Variants in ATXN7L2 observed in about 807,000 individuals in gnomAD.
The protein encoded by ATXN7L2 is ataxin-7-like protein 2.
ATXN7L2 carries 17 observed loss-of-function variants against 59.6 expected under a neutral mutation model. The ratio of observed to expected loss-of-function variants is 0.29; its 90% CI spans 0.20 to 0.43. ATXN7L2 has a LOEUF of 0.43. ATXN7L2 is among the 20% of genes least tolerant of loss of function. The pLI, the probability that ATXN7L2 is intolerant of heterozygous loss-of-function variation, is 1.00. For synonymous variants in ATXN7L2, 378 were observed against 392.5 expected (o/e 0.96, Z 0.44); for missense variants, 858 against 1,008.9 (o/e 0.85, Z 2.03).
At position 109,490,384 on chromosome 1, in the gene ATXN7L2, C is replaced by T; in HGVS notation, c.1446C>T (p.His482=). The T allele has an allele frequency of 6.2e-7, 1 of 1,612,976 alleles. No homozygotes were observed. Among genetic ancestry groups the T allele is most frequent in the Non-Finnish European group, 8.5e-7 (1 of 1,179,944 alleles). The change falls in exon 9 of 11, where the codon CAC becomes CAT. Residue 482 remains histidine, a synonymous_variant. Transcript: ENST00000683729. ...TGCTGGAACGGCACCTCAGCACACA[C>T]ATGTGGAAGTAAGTCTCTCGGACCC... is the stretch of plus-strand genomic sequence containing the variant. The part of the protein sequence containing the change: ...SSMLERHLST[H]MWKKIPPAAE...
rs1412340990 is a variant in ATXN7L2 at position 109,488,225 on chromosome 1, A to T, written c.797-158A>T. ...TCTCACACCCAGCAAGGAGATGTTG[A>T]TGCCCAGAAGTTTATCTGGAAGGTA... is the stretch of plus-strand genomic sequence containing the variant. On this transcript the variant is annotated intron_variant, in intron 5 of 10. Transcript: ENST00000683729. This position sits in a 1 kb window ranked among gnomAD's most constrained non-coding sequence, Gnocchi z 5.0. 6.6e-6 allele frequency among the ~76,000 whole-genome samples: 1 copy of T among 152,188 alleles called. No individual in the cohort carries two copies. The highest frequency in any genetic ancestry group is 1.9e-4 in the East Asian group (1 of 5,192).
rs981881981 is a variant in ATXN7L2, at chr1:109,483,915, C to T, written c.-39C>T. ...ACGGGGCGAGGGGGAGGGGGCCGCG[C>T]GGCGGCGGCGCCAGGGCGGGCGCGC... On this transcript the variant is annotated 5_prime_UTR_variant, in exon 1 of 11. Transcript: ENST00000683729. 83 of 1,160,914 alleles carry T rather than the reference C, an allele frequency of 7.1e-5. No individual in the cohort carries two copies. The highest frequency in any genetic ancestry group is 8.8e-5 in the Non-Finnish European group (83 of 942,250). 71.9% of individuals were successfully genotyped at this position (1,160,914 alleles called of 1,614,324 possible). A position where few individuals can be genotyped will look rare whatever the true frequency, so the allele number is the denominator to read the frequency against.
chr1:109,490,164 G>T, intron 8 of ATXN7L2, 36 bp downstream of exon 8: 1 of 1,567,528 alleles, frequency 6.4e-7, no homozygotes. Context: ...GGAGGGGGTG[G>T]CCCAGCACTC....
Position 109,490,301 on chromosome 1 carries a change from C to T in ATXN7L2, c.1363C>T (p.Pro455Ser). ...FCTFGSRLVS[P>S]GCYVFSRRLD... ...CACCTTTGGGAGCCGGCTGGTGAGC[C>T]CAGGATGCTATGTGTTTAGCCGCCG... is the stretch of plus-strand genomic sequence containing the variant. Residue 455 changes from proline (P) to serine (S), a missense_variant, in exon 9 of 11, where the codon CCA (proline) becomes TCA (serine). Pro to Ser is a moderately conservative substitution (Grantham distance 74, BLOSUM62 -1). Coordinates refer to ENST00000683729, the MANE Select transcript of ATXN7L2 (RefSeq NM_001350175.2). 1 of 1,613,956 alleles carries T rather than the reference C, an allele frequency of 6.2e-7. No individual in the cohort carries two copies. Among genetic ancestry groups the T allele is most frequent in the East Asian group, 2.2e-5 (1 of 44,882 alleles).
chr1:109,487,396 C>T (rs1656670120), intron 4 of ATXN7L2, 122 bp from the exon 5 acceptor site: 2 of 1,223,386 alleles, frequency 1.6e-6, no homozygotes, highest in Non-Finnish European at 2.2e-6. Flanking sequence ...CCGTGTTTCA[C>T]ACCCCTGCTG....
At chr1:109,484,382 A>C (rs2101018484) in intron 1 of ATXN7L2, among the ~76,000 whole-genome samples, 1 of 149,590 alleles carries the variant, frequency 6.7e-6, no homozygotes, top group Non-Finnish European at 1.5e-5. Context: ...TCAGCTCGCG[A>C]CCCTCCTGCA....
In ATXN7L2 at chr1:109,487,150, G is replaced by A; in HGVS notation, c.442G>A (p.Glu148Lys). ...APGSTKTSSR[E>K]KGQGSRSRGH... Reference sequence around the variant, plus strand: ...AGGTTCCACGAAAACCTCCTCCAGGGAGAAGGGCCAGGGGTCCCGGAGCCG... The same window carrying A: ...AGGTTCCACGAAAACCTCCTCCAGGAAGAAGGGCCAGGGGTCCCGGAGCCG... Residue 148 changes from glutamate to lysine, a missense_variant, in exon 4 of 11, where the codon GAG (glutamate) becomes AAG (lysine). Transcript: ENST00000683729. The A allele has an allele frequency of 1.2e-6, 2 of 1,607,344 alleles. No homozygotes were observed. The highest frequency in any genetic ancestry group is 8.5e-7 in the Non-Finnish European group (1 of 1,176,878).
Position 109,488,592 on chromosome 1 carries a change from A to G in ATXN7L2, c.879+127A>G. The G allele has an allele frequency of 1.8e-6, 2 of 1,142,466 alleles. No individual in the cohort carries two copies. Among genetic ancestry groups the G allele is most frequent in the Non-Finnish European group, 2.5e-6 (2 of 799,222 alleles). The allele number at this position is 1,142,466 out of a possible 1,614,324, so 70.8% of individuals were successfully genotyped here. A position where few individuals can be genotyped will look rare whatever the true frequency, so the allele number is the denominator to read the frequency against. On this transcript the variant is annotated intron_variant, in intron 6 of 10. Transcript: ENST00000683729. The surrounding 1 kb of genome is among the most constrained non-coding windows in gnomAD (Gnocchi z 5.0). ...TAAGGGAGGGCAGTTAGGCCCACCC[A>G]AGGGAAGGGGAGATGGGTATGCCCC... is the stretch of plus-strand genomic sequence containing the variant.
intron 1 of ATXN7L2, chr1:109,485,633 T>C (rs919283972): frequency 3.0e-6 from 3 of 986,852 alleles, no homozygotes; most frequent in African/African-American, 1.7e-5. Flanking sequence ...CAGGGACTTA[T>C]AGAAACATTG....
In ATXN7L2 at chr1:109,488,379, A is replaced by G. The variant is rs768370571; in HGVS notation, c.797-4A>G. On this transcript the variant is annotated splice_polypyrimidine_tract_variant and splice_region_variant and intron_variant, in intron 5 of 10. Transcript: ENST00000683729. This position sits in a 1 kb window ranked among gnomAD's most constrained non-coding sequence, Gnocchi z 5.0. ...GAGGTTCATTGGAAGTGCTTTCCCC[A>G]CAGGGAAGGAGTGCGACCTCAACAG... is the stretch of plus-strand genomic sequence containing the variant. The G allele has an allele frequency of 5.0e-6, 8 of 1,595,802 alleles. No homozygotes were observed. Among genetic ancestry groups the G allele is most frequent in the Non-Finnish European group, 6.8e-6 (8 of 1,168,684 alleles).
At position 109,489,039 on chromosome 1, in the gene ATXN7L2, G is replaced by A. The variant is rs1179511705; in HGVS notation, c.1072G>A (p.Ala358Thr). Residue 358 changes from alanine (A) to threonine (T), a missense_variant, in exon 7 of 11, where the codon GCT becomes ACT. Ala to Thr is a moderately conservative substitution (Grantham distance 58). Coordinates refer to ENST00000683729, the MANE Select transcript of ATXN7L2 (RefSeq NM_001350175.2). The part of the protein sequence containing the change: ...SSVQVVAAVA[A>T]PSSTFSVRAK... The stretch of plus-strand genomic sequence containing the variant: ...AGTCCAGGTTGTAGCAGCGGTGGCT[G>A]CTCCCAGCAGCACCTTCTCTGTTCG... 6.2e-7 allele frequency: 1 copy of A among 1,614,150 alleles called. No homozygotes were observed. Among genetic ancestry groups the A allele is most frequent in the Middle Eastern group, 1.6e-4 (1 of 6,062 alleles).
intron 1 of ATXN7L2, 61 bp downstream of exon 1, chr1:109,484,141 GC>G: frequency 2.3e-6 from 3 of 1,307,594 alleles, no homozygotes; most frequent in Admixed American, 3.3e-5. Flanking sequence ...CCCCTTCCGG[GC>G]CCCCGCCAGC....
chr1:109,487,066 C>A lies in ATXN7L2; in HGVS notation c.358C>A (p.Pro120Thr), dbSNP rs945089830. 2 of 1,613,230 alleles carry A rather than the reference C, an allele frequency of 1.2e-6. No homozygotes were observed. The highest frequency in any genetic ancestry group is 2.7e-5 in the African/African-American group (2 of 75,004). The part of the protein sequence containing the change: ...YGRAPPPPPA[P>T]ASSQKCHVVN... ...CCGGGCCCCACCCCCACCTCCAGCC[C>A]CTGCCAGCTCTCAGAAATGCCATGT... The change falls in exon 4 of 11, where the codon CCT becomes ACT. Residue 120 changes from proline to threonine, a missense_variant. Transcript: ENST00000683729.
In ATXN7L2 at chr1:109,490,348, A is replaced by T; in HGVS notation, c.1410A>T (p.Ala470=). ...FSRRLDRFCS[A]LSSMLERHLS... ...GCCGGCTGGACCGGTTCTGCTCAGC[A>T]CTCAGCTCCATGCTGGAACGGCACC... Residue 470 remains alanine, a synonymous_variant, in exon 9 of 11, where the codon GCA becomes GCT. Coordinates refer to ENST00000683729, the MANE Select transcript of ATXN7L2 (RefSeq NM_001350175.2). The T allele has an allele frequency of 6.2e-7, 1 of 1,613,788 alleles. No individual in the cohort carries two copies.
In ATXN7L2 at chr1:109,491,109, G is replaced by A. The variant is rs756009804; in HGVS notation, c.1642G>A (p.Val548Met). The A allele has an allele frequency of 1.1e-5, 18 of 1,613,144 alleles. No homozygotes were observed. The highest frequency in any genetic ancestry group is 3.3e-5 in the Admixed American group (2 of 60,000). Reference protein sequence around the residue: ...VPSYPAGSPSVAAACSQAECM... With the variant: ...VPSYPAGSPSMAAACSQAECM... ...CAGCTACCCTGCAGGCTCCCCCAGC[G>A]TGGCGGCTGCCTGTAGCCAGGCAGA... Residue 548 changes from valine (V) to methionine (M), a missense_variant, in exon 10 of 11, where the codon GTG (valine) becomes ATG (methionine). Around this residue, in one of 3 missense-constraint regions of ATXN7L2, gnomAD observed 734 missense variants for 862.3 expected, o/e 0.85. Transcript: ENST00000683729. This position sits in a 1 kb window ranked among gnomAD's most constrained non-coding sequence, Gnocchi z 4.1.
chr1:109,489,831 C>A (rs1656891833), intron 7 of ATXN7L2, 99 bp from the exon 8 acceptor site: 2 of 1,293,350 alleles, frequency 1.5e-6, no homozygotes, highest in Admixed American at 1.8e-5. Context: ...AGGGTGTCTG[C>A]CCTGGTGCCC....
At position 109,489,185 on chromosome 1, in the gene ATXN7L2, T is replaced by G; in HGVS notation, c.1133+85T>G. On this transcript the variant is annotated intron_variant, in intron 7 of 10. Coordinates refer to ENST00000683729, the MANE Select transcript of ATXN7L2 (RefSeq NM_001350175.2). ...GGCCCCTGGAAACAGGCTCAGGGAG[T>G]GTCCTGGAAGAGGCACTCCCTCAGC... The G allele has an allele frequency of 4.6e-6, 7 of 1,506,920 alleles. No homozygotes were observed. The South Asian group carries it at 9.1e-5, about 20-fold the overall frequency. The allele number at this position is 1,506,920 out of a possible 1,614,324, so 93.3% of individuals were successfully genotyped here. A position where few individuals can be genotyped will look rare whatever the true frequency, so the allele number is the denominator to read the frequency against.
rs963156417 is a variant in ATXN7L2, at chr1:109,486,582, G to A, written c.270G>A (p.Val90=). The change falls in exon 3 of 11, where the codon GTG becomes GTA. Residue 90 remains valine (V), a synonymous_variant. Coordinates refer to ENST00000683729, the MANE Select transcript of ATXN7L2 (RefSeq NM_001350175.2). This position sits in a 1 kb window ranked among gnomAD's most constrained non-coding sequence, Gnocchi z 4.3. ...TGTGTAACCACTGCAGCCAAGTGGTGAAGCCTCAAGCTTTCCAGAAGCACT... is the reference window on the plus strand; with the variant it reads ...TGTGTAACCACTGCAGCCAAGTGGTAAAGCCTCAAGCTTTCCAGAAGCACT... ...LVVCNHCSQV[V]KPQAFQKHCE... 6.2e-7 allele frequency: 1 copy of A among 1,614,030 alleles called. No individual in the cohort carries two copies. Among genetic ancestry groups the A allele is most frequent in the African/African-American group, 1.3e-5 (1 of 74,942 alleles).
rs567975281 is a variant in ATXN7L2 at position 109,485,697 on chromosome 1, A to G, written c.128-360A>G. The G allele has an allele frequency of 4.9e-5, 49 of 1,008,172 alleles. 1 individual carries two copies. In the African/African-American group the frequency reaches 7.0e-4, roughly 14 times the overall value. The allele number at this position is 1,008,172 out of a possible 1,614,324, so 62.5% of individuals were successfully genotyped here. A position where few individuals can be genotyped will look rare whatever the true frequency, so the allele number is the denominator to read the frequency against. On this transcript the variant is annotated intron_variant, in intron 1 of 10. Transcript: ENST00000683729. Reference sequence around the variant, plus strand: ...GAAGCAGGCCCAGAAAAGAGATGATACTTACCCACAATCACCCAACTAGTT... The same window carrying G: ...GAAGCAGGCCCAGAAAAGAGATGATGCTTACCCACAATCACCCAACTAGTT...
Sources: allele counts gnomAD v4.1 joint callset (sites outside exome capture counted in the v4.1 genomes callset), GRCh38; gene constraint gnomAD v4.1.1; regional missense constraint gnomAD v4.1.1; non-coding constraint Gnocchi (gnomAD v3.1); transcripts MANE v1.5; gene names NCBI Gene and HGNC (gene_info 2026-07-23, HGNC 2026-07-21).